Variants in TNFAIP8 observed in about 807,000 individuals in gnomAD.
The protein encoded by TNFAIP8 is TNF alpha induced protein 8, also known as tumor necrosis factor alpha-induced protein 8.
Under a neutral mutation model 13.3 loss-of-function variants are expected in TNFAIP8, and 7 were observed. The observed-to-expected ratio is 0.52, with a 90% CI of 0.30 to 0.99. The LOEUF is 0.99. Among genes scored for constraint, TNFAIP8 ranks in the 50% least tolerant of loss-of-function variants. The pLI, the probability that TNFAIP8 is intolerant of heterozygous loss-of-function variation, is 0.07. For missense variants in TNFAIP8, 258 were observed against 236.9 expected (o/e 1.09, Z -0.58); for synonymous variants, 94 against 87.6 (o/e 1.07, Z -0.41).
At chr5:119,324,010 A>G (rs1750138348) in intron 1 of TNFAIP8, among the ~76,000 whole-genome samples, 2 of 152,202 alleles carry the variant, frequency 1.3e-5, no homozygotes, top group South Asian at 4.1e-4. Flanking sequence ...TTGTAACATT[A>G]TAGGTAAGAC....
At chr5:119,383,634 A>C (rs1036414931) in intron 1 of TNFAIP8, among the ~76,000 whole-genome samples, 3 of 152,206 alleles carry the variant, frequency 2.0e-5, no homozygotes, top group South Asian at 2.1e-4. Flanking sequence ...ACTTCTTTGC[A>C]CTGCTCAGTA....
chr5:119,368,841 G>A (rs1312660377), intron 1 of TNFAIP8, among the ~76,000 whole-genome samples: 2 of 152,084 alleles, frequency 1.3e-5, no homozygotes, highest in East Asian at 3.9e-4. Context: ...TGACCCTGAG[G>A]TGCTTGTGCT....
chr5:119,368,454 T>TGTGTGC (rs749196628), intron 1 of TNFAIP8, among the ~76,000 whole-genome samples: 1 of 106,640 alleles, frequency 9.4e-6, no homozygotes, highest in South Asian at 2.6e-4. Flanking sequence ...TGTGTGTGTG[T>TGTGTGC]GTGTGCGTGT....
At chr5:119,315,182 T>A (rs1749852133) in intron 1 of TNFAIP8, among the ~76,000 whole-genome samples, 1 of 152,162 alleles carries the variant, frequency 6.6e-6, no homozygotes, top group Non-Finnish European at 1.5e-5. Flanking sequence ...TCCGGGGTTC[T>A]CACCATTCTC....
intron 1 of TNFAIP8, chr5:119,333,379 T>A: frequency 7.6e-7 from 1 of 1,320,868 alleles, no homozygotes; most frequent in Non-Finnish European, 9.6e-7. Context: ...CAAGACAACT[T>A]TCAAAGTGAC....
chr5:119,271,387 T>C (rs1748287594), intron 1 of TNFAIP8, among the ~76,000 whole-genome samples: 1 of 152,202 alleles, frequency 6.6e-6, no homozygotes, highest in South Asian at 2.1e-4. Context: ...CAATTAATCC[T>C]CTTTTGCAGA....
intron 1 of TNFAIP8, among the ~76,000 whole-genome samples, chr5:119,274,150 C>G (rs1239110277): frequency 1.3e-5 from 2 of 152,144 alleles, no homozygotes; most frequent in Non-Finnish European, 2.9e-5. Context: ...CCTGAGCTCT[C>G]TTCTGACTGT....
At chr5:119,281,306 A>ACACACACACACACACACACACACTCT in intron 1 of TNFAIP8, among the ~76,000 whole-genome samples, 10 of 114,210 alleles carry the variant, frequency 8.8e-5, no homozygotes, top group South Asian at 3.3e-4. Flanking sequence ...ACACACACAC[A>ACACACACACACACACACACACACTCT]CTCTCTCTCT....
chr5:119,353,665 C>T (rs1022879143), upstream of TNFAIP8, among the ~76,000 whole-genome samples: 3 of 152,150 alleles, frequency 2.0e-5, no homozygotes, highest in Non-Finnish European at 4.4e-5. Context: ...GCTGACGGAG[C>T]GCTTGAACTA....
At chr5:119,304,502 G>A (rs1749493340) in intron 1 of TNFAIP8, among the ~76,000 whole-genome samples, 1 of 152,106 alleles carries the variant, frequency 6.6e-6, no homozygotes, top group Admixed American at 6.5e-5. Flanking sequence ...GACCCACAGG[G>A]AAACCTGATC....
chr5:119,310,850 A>G (rs566893707), intron 1 of TNFAIP8, among the ~76,000 whole-genome samples: 29 of 151,698 alleles, frequency 1.9e-4, no homozygotes, highest in East Asian at 1.9e-4. Flanking sequence ...CAATCAATCA[A>G]TACATTTCTC....
At chr5:119,375,642 C>A (rs1249500687) in intron 1 of TNFAIP8, among the ~76,000 whole-genome samples, 1 of 152,070 alleles carries the variant, frequency 6.6e-6, no homozygotes, top group Admixed American at 6.5e-5. Flanking sequence ...TTTAATATAG[C>A]AAGTATATGT....
At chr5:119,299,412 C>G (rs2112647985) in intron 1 of TNFAIP8, among the ~76,000 whole-genome samples, 1 of 152,290 alleles carries the variant, frequency 6.6e-6, no homozygotes, top group East Asian at 1.9e-4. Flanking sequence ...GCGGTGGCTG[C>G]AGAACAGTGG....
At chr5:119,306,090 G>A (rs1749544456) in intron 1 of TNFAIP8, among the ~76,000 whole-genome samples, 1 of 152,154 alleles carries the variant, frequency 6.6e-6, no homozygotes, top group African/African-American at 2.4e-5. Flanking sequence ...CCAGAAAACA[G>A]GACTTCCTAT....
At chr5:119,324,023 T>C (rs1750138889) in intron 1 of TNFAIP8, among the ~76,000 whole-genome samples, 1 of 152,026 alleles carries the variant, frequency 6.6e-6, no homozygotes, top group African/African-American at 2.4e-5. Context: ...GGTAAGACTG[T>C]TGGTTGCTGT....
At chr5:119,306,184 G>A (rs965394170) in intron 1 of TNFAIP8, among the ~76,000 whole-genome samples, 2 of 152,200 alleles carry the variant, frequency 1.3e-5, no homozygotes, top group African/African-American at 4.8e-5. Flanking sequence ...TAAATGATCA[G>A]AAAACAGAAA....
intron 1 of TNFAIP8, among the ~76,000 whole-genome samples, chr5:119,321,375 G>A (rs966249335): frequency 6.7e-6 from 1 of 149,942 alleles, no homozygotes; most frequent in Non-Finnish European, 1.5e-5. Context: ...TGAGAATCTG[G>A]ATGATTTCTA....
chr5:119,363,851 T>C (rs1205526675), intron 1 of TNFAIP8, among the ~76,000 whole-genome samples: 2 of 152,236 alleles, frequency 1.3e-5, no homozygotes, highest in Non-Finnish European at 2.9e-5. Flanking sequence ...CATCCCATAC[T>C]TTTGACCAAC....
exon 1 of TNFAIP8, chr5:119,268,782 G>A (rs1169543728): frequency 1.6e-5 from 11 of 684,090 alleles, no homozygotes; most frequent in Non-Finnish European, 2.9e-5. Context: ...TCTCCCGCCG[G>A]CTCTAACCCG....
Sources: gnomAD v4.1 joint callset for allele counts (sites outside exome capture counted in the v4.1 genomes callset) on GRCh38, gnomAD v4.1.1 for gene constraint, MANE v1.5 for transcripts, NCBI Gene and HGNC (gene_info 2026-07-23, HGNC 2026-07-21) for gene names.